PDZRN3: variants seen among roughly 807,000 people sequenced by gnomAD.
The protein encoded by PDZRN3 is PDZ domain containing ring finger 3.
A neutral mutation model predicts 85.7 loss-of-function variants in PDZRN3; 38 were observed. The ratio of observed to expected loss-of-function variants is 0.44; its 90% CI spans 0.34 to 0.58. PDZRN3 has a LOEUF of 0.58. PDZRN3 is among the 20% of genes least tolerant of loss of function. The probability of loss-of-function intolerance (pLI) is 0.01; values close to 1 mark genes in which losing one functional copy is unlikely to be tolerated. For synonymous variants in PDZRN3, 759 were observed against 638.0 expected (o/e 1.19, Z -2.86); for missense variants, 1,629 against 1,506.4 (o/e 1.08, Z -1.35).
chr3:73,466,264 G>A (rs1703211208), intron 3 of PDZRN3, among the ~76,000 whole-genome samples: 1 of 151,092 alleles, frequency 6.6e-6, no homozygotes, highest in African/African-American at 2.4e-5. Context: ...ACCAACGAAA[G>A]TTCCTTATCT....
At chr3:73,452,297 C>T (rs1323453196) in intron 3 of PDZRN3, among the ~76,000 whole-genome samples, 1 of 152,066 alleles carries the variant, frequency 6.6e-6, no homozygotes. Flanking sequence ...GGTGGGGTCA[C>T]TAAAGAGAGT....
intron 3 of PDZRN3, among the ~76,000 whole-genome samples, chr3:73,416,864 TG>T (rs1480061997): frequency 1.9e-4 from 28 of 146,030 alleles, no homozygotes; most frequent in African/African-American, 4.4e-4. Flanking sequence ...TTTTTTTGTT[TG>T]TTTTTTTTTG....
At chr3:73,561,233 C>T (rs933914563) in intron 3 of PDZRN3, among the ~76,000 whole-genome samples, 4 of 152,170 alleles carry the variant, frequency 2.6e-5, no homozygotes, top group Non-Finnish European at 5.9e-5. Flanking sequence ...TGCCAAACTG[C>T]CCTGGTGGAG....
At chr3:73,574,109 A>G (rs1423841822) in intron 3 of PDZRN3, among the ~76,000 whole-genome samples, 1 of 152,242 alleles carries the variant, frequency 6.6e-6, no homozygotes, top group Non-Finnish European at 1.5e-5. Context: ...AACATCACAG[A>G]GAAGTAACAG....
intron 7 of PDZRN3, 109 bp from the exon 8 acceptor site, chr3:73,388,178 G>A: frequency 3.2e-6 from 2 of 616,036 alleles, no homozygotes. Context: ...CCCACTCACA[G>A]TTAGAACATA....
chr3:73,441,519 A>G (rs1337038839), intron 3 of PDZRN3, among the ~76,000 whole-genome samples: 2 of 152,142 alleles, frequency 1.3e-5, no homozygotes, highest in Non-Finnish European at 2.9e-5. Flanking sequence ...CGACAAAACA[A>G]TCACAGACTG....
intron 3 of PDZRN3, among the ~76,000 whole-genome samples, chr3:73,595,218 A>T (rs980317971): frequency 1.3e-5 from 2 of 152,246 alleles, no homozygotes; most frequent in African/African-American, 4.8e-5. Context: ...TTTGCAGCTA[A>T]CAAAGAATCT....
chr3:73,546,420 A>T (rs1478376871), intron 3 of PDZRN3, among the ~76,000 whole-genome samples: 1 of 152,184 alleles, frequency 6.6e-6, no homozygotes, highest in Non-Finnish European at 1.5e-5. Flanking sequence ...TTTGGGATGG[A>T]CTCACAGCTG....
At chr3:73,554,462 A>ACAT (rs940144357) in intron 3 of PDZRN3, among the ~76,000 whole-genome samples, 19 of 152,120 alleles carry the variant, frequency 1.2e-4, no homozygotes, top group South Asian at 1.0e-3. Context: ...ATCGTCATCG[A>ACAT]CATCATCATC....
At position 73,524,703 on chromosome 3, in the gene PDZRN3, G is replaced by A. The variant is rs112841368; in HGVS notation, c.918+77651C>T. On this transcript the variant is annotated intron_variant, in intron 3 of 9. Transcript: ENST00000263666. Reference sequence around the variant, plus strand: ...ATGTTTAAAAGGCTGTGTTTTCATTGGCAAGCTCCAGTTTAATTAATTTCG... The same window carrying A: ...ATGTTTAAAAGGCTGTGTTTTCATTAGCAAGCTCCAGTTTAATTAATTTCG... Among the ~76,000 whole-genome samples the A allele has an allele frequency of 4.6e-5, 7 of 152,110 alleles. No homozygotes were observed. In the East Asian group the frequency reaches 1.2e-3, roughly 25 times the overall value.
At position 73,384,697 on chromosome 3, in the gene PDZRN3, C is replaced by T; in HGVS notation, c.1869G>A (p.Glu623=). 1.2e-6 allele frequency: 2 copies of T among 1,614,054 alleles called. No homozygotes were observed. Among genetic ancestry groups the T allele is most frequent in the Non-Finnish European group, 1.7e-6 (2 of 1,180,040 alleles). The part of the protein sequence containing the change: ...LGSGDLPFSN[E]SFISADCTDA... ...CCGTGCAGTCGGCCGAAATGAAAGA[C>T]TCGTTGCTGAAGGGCAGGTCGCCGC... is the stretch of plus-strand genomic sequence containing the variant. Residue 623 remains glutamate, a synonymous_variant, in exon 10 of 10, where the codon GAG becomes GAA. Coordinates refer to ENST00000263666, the MANE Select transcript of PDZRN3 (RefSeq NM_015009.3).
intron 3 of PDZRN3, among the ~76,000 whole-genome samples, chr3:73,533,077 T>C (rs1173021530): frequency 2.0e-5 from 3 of 152,250 alleles, no homozygotes; most frequent in Non-Finnish European, 4.4e-5. Flanking sequence ...TTTAACAAGT[T>C]GATTTTAATC....
intron 3 of PDZRN3, among the ~76,000 whole-genome samples, chr3:73,540,295 G>T (rs2106779200): frequency 6.6e-6 from 1 of 152,166 alleles, no homozygotes; most frequent in East Asian, 1.9e-4. Flanking sequence ...ACATGCCTCT[G>T]TAAACATTTA....
At chr3:73,620,334 A>G (rs1702836931) in intron 1 of PDZRN3, among the ~76,000 whole-genome samples, 1 of 152,236 alleles carries the variant, frequency 6.6e-6, no homozygotes, top group Non-Finnish European at 1.5e-5. Context: ...AAGGAAAGTT[A>G]TGTCCAGAAT....
chr3:73,550,883 G>A (rs571188607), intron 3 of PDZRN3, among the ~76,000 whole-genome samples: 1 of 152,248 alleles, frequency 6.6e-6, no homozygotes, highest in Non-Finnish European at 1.5e-5. Flanking sequence ...GCAATACTCT[G>A]AAGTGTCTCT....
At chr3:73,496,752 A>T (rs146443777) in intron 3 of PDZRN3, among the ~76,000 whole-genome samples, 2,433 of 152,320 alleles carry the variant, frequency 0.016, 32 homozygotes, top group Non-Finnish European at 0.025. Context: ...CACATTATTT[A>T]AAAAATATTT....
At chr3:73,404,460 T>G in intron 3 of PDZRN3, 65 bp from the exon 4 acceptor site, 2 of 1,507,674 alleles carry the variant, frequency 1.3e-6, no homozygotes, top group Non-Finnish European at 9.0e-7. Context: ...GACAAATACA[T>G]GAATTGCCTG....
chr3:73,469,075 A>AT (rs1339823212), intron 3 of PDZRN3, among the ~76,000 whole-genome samples: 3 of 150,908 alleles, frequency 2.0e-5, no homozygotes, highest in African/African-American at 7.3e-5. Context: ...AAAAAGATTC[A>AT]TCTTTTTTTT....
chr3:73,592,853 G>T (rs902979127), intron 3 of PDZRN3, among the ~76,000 whole-genome samples: 6 of 152,074 alleles, frequency 3.9e-5, no homozygotes, highest in Non-Finnish European at 5.9e-5. Flanking sequence ...GACAATTTCT[G>T]ATTGTCAACA....
Sources: allele counts gnomAD v4.1 joint callset (sites outside exome capture counted in the v4.1 genomes callset), GRCh38; gene constraint gnomAD v4.1.1; transcripts MANE v1.5; gene names NCBI Gene and HGNC (gene_info 2026-07-23, HGNC 2026-07-21).